Variants in DZANK1 observed in about 807,000 individuals in gnomAD.
The protein encoded by DZANK1 is double zinc ribbon and ankyrin repeat-containing protein 1.
A neutral mutation model predicts 94.5 loss-of-function variants in DZANK1; 91 were observed. The observed-to-expected ratio is 0.96, with a 90% CI of 0.81 to 1.15. The LOEUF is 1.15. DZANK1 is among the 50% of genes most tolerant of loss of function. The pLI, the probability that DZANK1 is intolerant of heterozygous loss-of-function variation, is 0.00. For synonymous variants in DZANK1, 312 were observed against 325.3 expected (o/e 0.96, Z 0.44); for missense variants, 903 against 916.4 (o/e 0.99, Z 0.19).
chr20:18,418,263 G>A, intron 10 of DZANK1, among the ~76,000 whole-genome samples: 1 of 152,124 alleles, frequency 6.6e-6, no homozygotes, highest in African/African-American at 2.4e-5. Flanking sequence ...GTGGGCACAA[G>A]GCAGTATTTC....
intron 15 of DZANK1, among the ~76,000 whole-genome samples, chr20:18,395,627 G>C (rs2056297634): frequency 6.6e-6 from 1 of 152,198 alleles, no homozygotes; most frequent in South Asian, 2.1e-4. Flanking sequence ...CTCAACTGGG[G>C]ACAACTTTGT....
At chr20:18,436,579 A>G (rs2058535004) in intron 8 of DZANK1, among the ~76,000 whole-genome samples, 1 of 152,206 alleles carries the variant, frequency 6.6e-6, no homozygotes, top group Non-Finnish European at 1.5e-5. Flanking sequence ...TGAAGAAAAT[A>G]AGCAGAACAT....
At chr20:18,415,350 A>C in exon 11 of DZANK1, 1 of 1,590,342 alleles carries the variant, frequency 6.3e-7, no homozygotes, top group Non-Finnish European at 8.6e-7. Flanking sequence ...CAGCCGCAGA[A>C]GGACGCCTCC....
intron 10 of DZANK1, among the ~76,000 whole-genome samples, chr20:18,416,486 C>T (rs754459048): frequency 3.9e-5 from 6 of 152,188 alleles, no homozygotes; most frequent in Non-Finnish European, 2.9e-5. Flanking sequence ...AAAGGTTTTA[C>T]TGAGTCAATG....
intron 8 of DZANK1, among the ~76,000 whole-genome samples, chr20:18,436,273 G>A (rs1431696189): frequency 6.6e-6 from 1 of 152,046 alleles, no homozygotes; most frequent in Non-Finnish European, 1.5e-5. Flanking sequence ...GCCTGGAGTT[G>A]AAAAGTAAAG....
At chr20:18,431,546 G>A (rs2058287789) in intron 9 of DZANK1, among the ~76,000 whole-genome samples, 1 of 152,244 alleles carries the variant, frequency 6.6e-6, no homozygotes, top group Non-Finnish European at 1.5e-5. Flanking sequence ...ACATCTGGGA[G>A]AGGCACTGGA....
intron 9 of DZANK1, among the ~76,000 whole-genome samples, chr20:18,427,501 A>C (rs1379189339): frequency 6.6e-5 from 10 of 152,130 alleles, no homozygotes; most frequent in Admixed American, 5.9e-4. Flanking sequence ...ATGTAGTTTT[A>C]AAAGAAACAA....
chr20:18,399,388 C>A (rs1350517528), intron 13 of DZANK1, among the ~76,000 whole-genome samples: 1 of 152,040 alleles, frequency 6.6e-6, no homozygotes, highest in Admixed American at 6.6e-5. Context: ...CACCACAACG[C>A]CTGGCTAGTG....
chr20:18,458,202 T>C (rs535412698), intron 3 of DZANK1, among the ~76,000 whole-genome samples: 4 of 152,376 alleles, frequency 2.6e-5, no homozygotes, highest in Non-Finnish European at 5.9e-5. Context: ...ATTTCTTACA[T>C]GCTCAACTTT....
Position 18,433,333 on chromosome 20 carries a change from G to A in DZANK1, c.861+319C>T, listed in dbSNP as rs531955314. Reference sequence around the variant, plus strand: ...GAGGTGGGCGCATCACCTGAGGTCAGGAGTTTGAGACCAGCCTGGCCAAGA... The same window carrying A: ...GAGGTGGGCGCATCACCTGAGGTCAAGAGTTTGAGACCAGCCTGGCCAAGA... On this transcript the variant is annotated intron_variant, in intron 9 of 20. Coordinates refer to ENST00000262547, the Ensembl canonical transcript of DZANK1. The A allele has an allele frequency of 9.7e-4, 288 of 296,094 alleles. 1 individual carries two copies. Among genetic ancestry groups the A allele is most frequent in the Non-Finnish European group, 1.3e-3 (209 of 155,192 alleles). The allele number at this position is 296,094 out of a possible 1,614,324, so 18.3% of individuals were successfully genotyped here.
At chr20:18,409,964 C>T (rs531252742) in intron 13 of DZANK1, among the ~76,000 whole-genome samples, 36 of 132,686 alleles carry the variant, frequency 2.7e-4, no homozygotes, top group South Asian at 5.3e-4. Flanking sequence ...ACCCAGGAGG[C>T]GGAGGTTGCA....
At chr20:18,436,648 C>T (rs1406383098) in intron 8 of DZANK1, among the ~76,000 whole-genome samples, 1 of 151,906 alleles carries the variant, frequency 6.6e-6, no homozygotes, top group Non-Finnish European at 1.5e-5. Context: ...GAGAAAGGAA[C>T]AGAAAAAGAA....
chr20:18,384,866 C>T, intron 20 of DZANK1, 150 bp downstream of exon 20: 1 of 753,080 alleles, frequency 1.3e-6, no homozygotes, highest in Non-Finnish European at 2.1e-6. Flanking sequence ...CTTTGAAAAG[C>T]CCTCAGTGCC....
rs754117756 is a variant in DZANK1 at position 18,415,323 on chromosome 20, C to G, written c.1077+4G>C. 1.3e-6 allele frequency: 2 copies of G among 1,531,430 alleles called. No homozygotes were observed. The highest frequency in any genetic ancestry group is 4.9e-5 in the East Asian group (2 of 40,546). The allele number at this position is 1,531,430 out of a possible 1,614,324, so 94.9% of individuals were successfully genotyped here. On this transcript the variant is annotated splice_donor_region_variant and intron_variant, in intron 11 of 20. Coordinates refer to ENST00000262547, the Ensembl canonical transcript of DZANK1. ...ATACAGAATCTCAGTTTTAAAATAC[C>G]CACCATGGCTCCACACCAGCCGCAG...
intron 10 of DZANK1, among the ~76,000 whole-genome samples, chr20:18,416,885 G>T (rs549992780): frequency 1.3e-5 from 2 of 152,044 alleles, no homozygotes; most frequent in Non-Finnish European, 2.9e-5. Flanking sequence ...TTGGCATAAA[G>T]GTTGCTGACC....
intron 6 of DZANK1, among the ~76,000 whole-genome samples, chr20:18,449,640 C>T (rs6081148): frequency 1.6e-4 from 24 of 151,098 alleles, no homozygotes; most frequent in Non-Finnish European, 2.9e-4. Context: ...TGCCTGTAAT[C>T]CCAGCTACTC....
At position 18,393,819 on chromosome 20, in the gene DZANK1, GAC is replaced by G. The variant is rs776452901; in HGVS notation, c.1709-10_1709-9del. The G allele has an allele frequency of 4.4e-6, 7 of 1,594,160 alleles. No homozygotes were observed. In the African/African-American group the frequency reaches 9.4e-5, roughly 21 times the overall value. On this transcript the variant is annotated splice_polypyrimidine_tract_variant and intron_variant, in intron 16 of 20. Coordinates refer to ENST00000262547, the Ensembl canonical transcript of DZANK1. Reference sequence around the variant, plus strand: ...TCTGGCTGTAGTCACTCACTGAAATGACACAGTTGGGGAAAAAAATGATGCCC... The same window carrying G: ...TCTGGCTGTAGTCACTCACTGAAATGACAGTTGGGGAAAAAAATGATGCCC...
At chr20:18,395,791 C>T (rs763487310) in intron 15 of DZANK1, among the ~76,000 whole-genome samples, 7 of 152,178 alleles carry the variant, frequency 4.6e-5, no homozygotes, top group African/African-American at 1.7e-4. Context: ...CTGCTCTAGT[C>T]ACAACAATTA....
chr20:18,438,930 A>G (rs750976141), intron 8 of DZANK1, among the ~76,000 whole-genome samples: 14 of 152,192 alleles, frequency 9.2e-5, no homozygotes, highest in Non-Finnish European at 2.1e-4. Flanking sequence ...ATTACCTCCC[A>G]AAGACCCAAC....
Sources: gnomAD v4.1 joint callset for allele counts (sites outside exome capture counted in the v4.1 genomes callset) on GRCh38, gnomAD v4.1.1 for gene constraint, MANE v1.5 for transcripts, NCBI Gene and HGNC (gene_info 2026-07-23, HGNC 2026-07-21) for gene names.